WDR41: variants seen among roughly 807,000 people sequenced by gnomAD.
WDR41 encodes the protein WD repeat domain 41, also known as WD repeat-containing protein 41.
Under a neutral mutation model 69.3 loss-of-function variants are expected in WDR41, and 63 were observed. The ratio of observed to expected loss-of-function variants is 0.91; its 90% confidence interval spans 0.74 to 1.12. The LOEUF is 1.12. Ranked by LOEUF, WDR41 falls within the 50% of genes most tolerant of loss-of-function variation. The probability of loss-of-function intolerance (pLI) is 0.00; values close to 1 mark genes in which losing one functional copy is unlikely to be tolerated. For synonymous variants in WDR41, 185 were observed against 192.1 expected, an observed-to-expected ratio of 0.96 and a Z score of 0.31; for missense variants, 543 against 534.5, an observed-to-expected ratio of 1.02 and a Z score of -0.16.
intron 1 of WDR41, among the ~76,000 whole-genome samples, chr5:77,547,455 T>C (rs1743218723): frequency 6.6e-6 from 1 of 151,760 alleles, no homozygotes; most frequent in African/African-American, 2.4e-5. Context: ...CACAAATCAG[T>C]AGCTCTTCTA....
At chr5:77,596,924 C>A (rs1424607255) in intron 1 of WDR41, among the ~76,000 whole-genome samples, 1 of 151,786 alleles carries the variant, frequency 6.6e-6, no homozygotes, top group East Asian at 1.9e-4. Flanking sequence ...TCGAGACCAG[C>A]CTGGGCAACA....
At chr5:77,615,687 CAAA>C (rs10695519) in intron 1 of WDR41, among the ~76,000 whole-genome samples, 12 of 79,372 alleles carry the variant, frequency 1.5e-4, no homozygotes, top group Non-Finnish European at 1.4e-4. Context: ...TACTGCAAGT[CAAA>C]AAAAAAAAAA....
chr5:77,545,698 AC>A lies in WDR41; in HGVS notation c.43-56127del, dbSNP rs1650313539. On this transcript the variant is annotated intron_variant, in intron 1 of 5. Coordinates refer to the WDR41 transcript ENST00000509971. ...TCTCAAGGATGAGGTTTTAAAGGTTACGCCAGTGCAGAAGCAGACCCACGCT... is the reference window on the plus strand; with the variant it reads ...TCTCAAGGATGAGGTTTTAAAGGTTAGCCAGTGCAGAAGCAGACCCACGCT... 54 of 489,478 alleles carry A rather than the reference AC, an allele frequency of 1.1e-4. No homozygotes were observed. The Admixed American group carries it at 1.4e-3, about 13-fold the overall frequency. The allele number at this position is 489,478 out of a possible 1,614,324, so 30.3% of individuals were successfully genotyped here.
intron 9 of WDR41, among the ~76,000 whole-genome samples, 163 bp downstream of exon 9, chr5:77,440,650 C>G (rs1037177923): frequency 6.6e-6 from 1 of 152,142 alleles, no homozygotes; most frequent in African/African-American, 2.4e-5. Context: ...GATTAAAATG[C>G]TTAACACAAA....
rs1322252482 is a variant in WDR41 at position 77,505,305 on chromosome 5, G to A, written c.43-15733C>T. On this transcript the variant is annotated intron_variant, in intron 1 of 5. Transcript: ENST00000509971. ...GCTACAAAGAGAGTAAAATACATAGGAATCCAACTTACAAGGGATGTGAAG... is the reference window on the plus strand; with the variant it reads ...GCTACAAAGAGAGTAAAATACATAGAAATCCAACTTACAAGGGATGTGAAG... 1.1e-4 allele frequency among the ~76,000 whole-genome samples: 16 copies of A among 152,184 alleles called. No individual in the cohort carries two copies. In the East Asian group the frequency reaches 2.9e-3, roughly 28 times the overall value.
intron 1 of WDR41, among the ~76,000 whole-genome samples, chr5:77,599,564 A>T (rs973352921): frequency 4.6e-5 from 7 of 152,144 alleles, no homozygotes; most frequent in African/African-American, 1.7e-4. Flanking sequence ...GATATCCTTG[A>T]CTGATTTTCC....
intron 1 of WDR41, among the ~76,000 whole-genome samples, chr5:77,587,094 C>A (rs1208561821): frequency 3.0e-5 from 2 of 67,208 alleles, no homozygotes; most frequent in Non-Finnish European, 5.4e-5. Flanking sequence ...CTAGTACCCC[C>A]AAAGCTTCTC....
At chr5:77,503,742 A>G (rs1802056604) in intron 1 of WDR41, among the ~76,000 whole-genome samples, 1 of 152,214 alleles carries the variant, frequency 6.6e-6, no homozygotes, top group African/African-American at 2.4e-5. Flanking sequence ...CCACTCAACT[A>G]CATGGAAACT....
rs569458239 is a variant in WDR41, at chr5:77,474,217, T to C, written c.168-9408A>G. Among the ~76,000 whole-genome samples the C allele has an allele frequency of 3.7e-3, 558 of 151,846 alleles. 5 individuals carry two copies. The highest frequency in any genetic ancestry group is 0.013 in the African/African-American group (539 of 41,386). ...ACCAAACACCGCATGTTCTCACTCATAGGTGGGAACTGAACAATGAGAACA... is the reference window on the plus strand; with the variant it reads ...ACCAAACACCGCATGTTCTCACTCACAGGTGGGAACTGAACAATGAGAACA... On this transcript the variant is annotated intron_variant, in intron 2 of 12. Transcript: ENST00000296679.
At chr5:77,477,204 G>A (rs1268927518) in intron 2 of WDR41, among the ~76,000 whole-genome samples, 1 of 149,426 alleles carries the variant, frequency 6.7e-6, no homozygotes, top group East Asian at 1.9e-4. Flanking sequence ...AAGAGACTTA[G>A]ACTCCCACAC....
chr5:77,453,994 AAAT>A, intron 5 of WDR41, 66 bp from the exon 6 acceptor site: 7 of 1,249,646 alleles, frequency 5.6e-6, no homozygotes, highest in Non-Finnish European at 8.2e-6. Context: ...AGTGGTTTAA[AAAT>A]ATATCCACAA....
intron 8 of WDR41, among the ~76,000 whole-genome samples, chr5:77,441,380 T>A (rs1443134111): frequency 1.3e-5 from 2 of 152,114 alleles, no homozygotes; most frequent in African/African-American, 4.8e-5. Flanking sequence ...CTTTTAGGAA[T>A]GTGGAGTGGT....
At chr5:77,442,416 T>C (rs187505331) in intron 8 of WDR41, among the ~76,000 whole-genome samples, 35 of 152,214 alleles carry the variant, frequency 2.3e-4, no homozygotes, top group African/African-American at 8.4e-4. Context: ...TACAAAACAG[T>C]AAACCATATT....
intron 1 of WDR41, among the ~76,000 whole-genome samples, chr5:77,617,618 A>G (rs1358498299): frequency 3.9e-5 from 6 of 152,248 alleles, no homozygotes; most frequent in African/African-American, 1.4e-4. Flanking sequence ...AATAAACAGA[A>G]GCAAAATGCA....
At chr5:77,609,803 C>T (rs576505915) in intron 1 of WDR41, among the ~76,000 whole-genome samples, 27 of 150,564 alleles carry the variant, frequency 1.8e-4, no homozygotes, top group Middle Eastern at 3.4e-3. Context: ...CAAAGCTGGA[C>T]GGAGAATGAC....
chr5:77,608,225 T>C (rs755547164), intron 1 of WDR41, among the ~76,000 whole-genome samples: 49 of 152,240 alleles, frequency 3.2e-4, no homozygotes, highest in Non-Finnish European at 6.0e-4. Flanking sequence ...TCAAGGTTCA[T>C]CTATGTTGTA....
At chr5:77,524,386 A>G (rs945437849) in intron 1 of WDR41, among the ~76,000 whole-genome samples, 16 of 152,120 alleles carry the variant, frequency 1.1e-4, no homozygotes, top group Non-Finnish European at 2.4e-4. Context: ...CCAGGAGTTC[A>G]AGACCAGCCT....
chr5:77,568,594 A>C (rs1011443163), intron 1 of WDR41, among the ~76,000 whole-genome samples: 4 of 152,156 alleles, frequency 2.6e-5, no homozygotes, highest in Admixed American at 2.6e-4. Flanking sequence ...GGGGGAGAAA[A>C]TAATTTCCCC....
At chr5:77,615,151 A>G (rs1014182332) in intron 1 of WDR41, among the ~76,000 whole-genome samples, 1 of 152,198 alleles carries the variant, frequency 6.6e-6, no homozygotes, top group Non-Finnish European at 1.5e-5. Context: ...CTACAAGTTT[A>G]TTAATGTCAC....
Sources: gnomAD v4.1 joint callset for allele counts (sites outside exome capture counted in the v4.1 genomes callset) on GRCh38, gnomAD v4.1.1 for gene constraint, MANE v1.5 for transcripts, NCBI Gene and HGNC (gene_info 2026-07-23, HGNC 2026-07-21) for gene names.